Variants in CACNA1B observed in about 807,000 individuals in gnomAD.
CACNA1B encodes calcium voltage-gated channel subunit alpha1 B, also known as voltage-dependent N-type calcium channel subunit alpha-1B.
Under a neutral mutation model 247.2 loss-of-function variants are expected in CACNA1B, and 70 were observed. The observed-to-expected ratio is 0.28, with a 90% CI of 0.23 to 0.35. CACNA1B has a LOEUF of 0.35. Ranked by LOEUF, CACNA1B falls within the 10% of genes least tolerant of loss-of-function variation. The pLI is 1.00. For missense variants in CACNA1B, 2,367 were observed against 3,197.4 expected (o/e 0.74, Z 6.26); for synonymous variants, 1,231 against 1,294.4 (o/e 0.95, Z 1.05).
intron 3 of CACNA1B, among the ~76,000 whole-genome samples, chr9:137,912,894 G>A (rs1957373289): frequency 6.6e-6 from 1 of 152,146 alleles, no homozygotes; most frequent in African/African-American, 2.4e-5. Flanking sequence ...ATTCAGAGAT[G>A]GTGCCTTTGA....
chr9:138,023,485 C>T lies in CACNA1B; in HGVS notation c.2742C>T (p.Gly914=). 1 of 1,117,176 alleles carries T rather than the reference C, an allele frequency of 9.0e-7. No homozygotes were observed. Among genetic ancestry groups the T allele is most frequent in the South Asian group, 4.1e-5 (1 of 24,576 alleles). 69.2% of individuals were successfully genotyped at this position (1,117,176 alleles called of 1,614,324 possible). The change falls in exon 19 of 47, where the codon GGC becomes GGT. Residue 914 remains glycine (G), a synonymous_variant. Transcript: ENST00000371372. ...SERGRGPGPE[G]GRRHHRRGSP... is the part of the protein sequence containing the mutation. ...GCGGCCGAGGCCCAGGCCCCGAGGG[C>T]GGCCGGCGGCACCACCGGCGCGGCT...
chr9:137,934,090 C>T (rs1047969802), intron 6 of CACNA1B, among the ~76,000 whole-genome samples: 16 of 152,252 alleles, frequency 1.1e-4, no homozygotes, highest in East Asian at 5.8e-4. Context: ...ATCCAGCTTA[C>T]GATAAGTATG....
At position 137,879,078 on chromosome 9, in the gene CACNA1B, C is replaced by T. The variant is rs1226874590; in HGVS notation, c.309C>T (p.Ala103=). ...EWPPFEYMIL[A]TIIANCIVLA... is the part of the protein sequence containing the mutation. ...CTCCATTCGAGTATATGATCCTGGC[C>T]ACCATCATCGCCAACTGCATCGTGC... The change falls in exon 2 of 47, where the codon GCC becomes GCT. Residue 103 remains alanine (A), a synonymous_variant. Transcript: ENST00000371372. 1.9e-6 allele frequency: 3 copies of T among 1,611,948 alleles called. No homozygotes were observed. Among genetic ancestry groups the T allele is most frequent in the African/African-American group, 1.3e-5 (1 of 75,044 alleles).
rs951831080 is a variant in CACNA1B, at chr9:138,025,123, T to C, written c.3237T>C (p.His1079=). 2 of 1,613,320 alleles carry C rather than the reference T, an allele frequency of 1.2e-6. No homozygotes were observed. The highest frequency in any genetic ancestry group is 1.3e-5 in the African/African-American group (1 of 74,926). The change falls in exon 20 of 47, where the codon CAT becomes CAC. Residue 1079 remains histidine, a synonymous_variant. Transcript: ENST00000371372. Reference sequence around the variant, plus strand: ...CCCCAGACCCGAACACTATTGTACATATCCCAGTGATGCTGACGGGCCCTC... The same window carrying C: ...CCCCAGACCCGAACACTATTGTACACATCCCAGTGATGCTGACGGGCCCTC... ...SQPPDPNTIV[H]IPVMLTGPLG...
chr9:137,944,776 T>TACTCCAGCTGCTACTCC (rs1465132259), intron 6 of CACNA1B, among the ~76,000 whole-genome samples: 1 of 152,114 alleles, frequency 6.6e-6, no homozygotes. Context: ...CCCTAAGGGG[T>TACTCCAGCTGCTACTCC]AGCAGGGCTG....
Position 138,058,365 on chromosome 9 carries a change from A to G in CACNA1B, c.4308+115A>G. 1.9e-6 allele frequency: 2 copies of G among 1,036,770 alleles called. No individual in the cohort carries two copies. Among genetic ancestry groups the G allele is most frequent in the Non-Finnish European group, 2.9e-6 (2 of 679,798 alleles). The allele number at this position is 1,036,770 out of a possible 1,614,324, so 64.2% of individuals were successfully genotyped here. A position where few individuals can be genotyped will look rare whatever the true frequency, so the allele number is the denominator to read the frequency against. The stretch of plus-strand genomic sequence containing the variant: ...TCAGCTTTGGCTGCCACCGTCTGCC[A>G]ACACAGGGGCAGGTCCTCCTTTCTC... On this transcript the variant is annotated intron_variant, in intron 28 of 46. Transcript: ENST00000371372. This position sits in a 1 kb window ranked among gnomAD's most constrained non-coding sequence, Gnocchi z 4.7.
intron 40 of CACNA1B, 26 bp downstream of exon 40, chr9:138,112,531 C>A: frequency 7.1e-7 from 1 of 1,416,016 alleles, no homozygotes; most frequent in Non-Finnish European, 1.0e-6. Flanking sequence ...AGAAATGCCC[C>A]CAGCCCCCAC....
Position 138,120,251 on chromosome 9 carries a change from G to A in CACNA1B, c.6117G>A (p.Pro2039=), listed in dbSNP as rs534747469. The A allele has an allele frequency of 2.0e-5, 32 of 1,603,282 alleles. No homozygotes were observed. The highest frequency in any genetic ancestry group is 3.4e-4 in the Middle Eastern group (2 of 5,922). The part of the protein sequence containing the change: ...PRGTHLCSTT[P]DRPPPSQASS... ...GGACTCATCTTTGCAGCACCACCCC[G>A]GACCGCCCACCCCCTAGCCAGGCGT... The change falls in exon 45 of 47, where the codon CCG becomes CCA. Residue 2039 remains proline (P), a synonymous_variant. Coordinates refer to ENST00000371372, the MANE Select transcript of CACNA1B (RefSeq NM_000718.4).
intron 19 of CACNA1B, among the ~76,000 whole-genome samples, chr9:138,024,117 T>TGC (rs926703631): frequency 5.3e-5 from 8 of 152,174 alleles, no homozygotes; most frequent in Non-Finnish European, 8.8e-5. Flanking sequence ...GGGGAATTGT[T>TGC]GCGACTGGCT....
Position 138,117,983 on chromosome 9 carries a change from TG to T in CACNA1B, c.5819del (p.Gly1940AlafsTer41). 1 of 1,596,978 alleles carries T rather than the reference TG, an allele frequency of 6.3e-7. No homozygotes were observed. ...QESGIKESVS[W>X]GTQRTQDAPH... ...GAGTGGCATCAAAGAGTCTGTCTCC[TG>T]GGGCACTCAAAGGACCCAGGATGCA... On this transcript the variant is annotated frameshift_variant, in exon 43 of 47. Transcript: ENST00000371372. LOFTEE classifies it high-confidence loss of function.
intron 15 of CACNA1B, among the ~76,000 whole-genome samples, chr9:138,002,766 A>G (rs1295829743): frequency 2.6e-5 from 4 of 151,312 alleles, no homozygotes; most frequent in Non-Finnish European, 5.9e-5. Context: ...ATGGAGAGAA[A>G]TTTCTTCTCT....
At position 137,971,762 on chromosome 9, in the gene CACNA1B, G is replaced by A. The variant is rs1004795305; in HGVS notation, c.1543+170G>A. Among the ~76,000 whole-genome samples the A allele has an allele frequency of 5.3e-5, 8 of 152,128 alleles. No individual in the cohort carries two copies. Among genetic ancestry groups the A allele is most frequent in the Admixed American group, 1.3e-4 (2 of 15,286 alleles). ...TCCAGGAGCCTCTGTGGGGGCCTGGGGTGTGTCCAGAGCTGGAGGGTGGCC... is the reference window on the plus strand; with the variant it reads ...TCCAGGAGCCTCTGTGGGGGCCTGGAGTGTGTCCAGAGCTGGAGGGTGGCC... On this transcript the variant is annotated intron_variant, in intron 11 of 46. Transcript: ENST00000371372. This position sits in a 1 kb window ranked among gnomAD's most constrained non-coding sequence, Gnocchi z 4.4.
intron 19 of CACNA1B, 114 bp from the exon 20 acceptor site, chr9:138,024,841 C>A: frequency 1.4e-6 from 1 of 717,118 alleles, no homozygotes; most frequent in Non-Finnish European, 2.4e-6. Context: ...GCCATATTCC[C>A]CAGGCTGGTC....
chr9:138,086,467 G>A (rs1960696838), intron 36 of CACNA1B, among the ~76,000 whole-genome samples: 1 of 151,098 alleles, frequency 6.6e-6, no homozygotes, highest in South Asian at 2.1e-4. Context: ...CAAGGTGGTA[G>A]TGTGCTGTGA....
intron 34 of CACNA1B, 52 bp from the exon 35 acceptor site, chr9:138,075,767 G>GC (rs1960294764): frequency 1.6e-6 from 2 of 1,226,138 alleles, no homozygotes; most frequent in African/African-American, 1.5e-5. Flanking sequence ...TCCACCTGGC[G>GC]CGGCTCCTGC....
At chr9:138,056,845 T>C (rs988374123) in intron 26 of CACNA1B, among the ~76,000 whole-genome samples, 1 of 152,298 alleles carries the variant, frequency 6.6e-6, no homozygotes, top group Non-Finnish European at 1.5e-5. Flanking sequence ...ATGAGTGGTG[T>C]TGAGCAGCGT....
intron 3 of CACNA1B, among the ~76,000 whole-genome samples, chr9:137,909,794 G>A (rs1018666017): frequency 6.0e-5 from 9 of 150,982 alleles, no homozygotes; most frequent in African/African-American, 7.3e-5. Flanking sequence ...TTTTTGAGAT[G>A]GAGTCTCACT....
chr9:137,948,851 T>C (rs1020886951), intron 6 of CACNA1B, among the ~76,000 whole-genome samples: 1 of 142,758 alleles, frequency 7.0e-6, no homozygotes, highest in Non-Finnish European at 1.5e-5. Context: ...AGTGTGTGTA[T>C]GTGGTGTATT....
At position 138,121,741 on chromosome 9, in the gene CACNA1B, T is replaced by C; in HGVS notation, c.6762T>C (p.Ile2254=). The change falls in exon 47 of 47, where the codon ATT becomes ATC. Residue 2254 remains isoleucine (I), a synonymous_variant. Transcript: ENST00000371372. This position sits in a 1 kb window ranked among gnomAD's most constrained non-coding sequence, Gnocchi z 6.8. ...LSQPLAPGSR[I]GSDPYLGQRL... ...AGCCCCTGGCCCCTGGCTCTCGAAT[T>C]GGCTCTGACCCTTACCTGGGGCAGC... is the stretch of plus-strand genomic sequence containing the variant. 1 of 1,613,416 alleles carries C rather than the reference T, an allele frequency of 6.2e-7. No homozygotes were observed. Among genetic ancestry groups the C allele is most frequent in the Non-Finnish European group, 8.5e-7 (1 of 1,179,882 alleles).
Sources: allele counts gnomAD v4.1 joint callset (sites outside exome capture counted in the v4.1 genomes callset), GRCh38; gene constraint gnomAD v4.1.1; non-coding constraint Gnocchi (gnomAD v3.1); transcripts MANE v1.5; gene names NCBI Gene and HGNC (gene_info 2026-07-23, HGNC 2026-07-21).